TMEM179B: variants seen among roughly 807,000 people sequenced by gnomAD.
TMEM179B encodes transmembrane protein 179B.
In TMEM179B, 13 loss-of-function variants were observed where a neutral mutation model predicts 18.0. That is an observed-to-expected ratio of 0.72 (90% confidence interval 0.47 to 1.15). The LOEUF is 1.15. TMEM179B is among the 50% of genes most tolerant of loss of function. The pLI, the probability that TMEM179B is intolerant of heterozygous loss-of-function variation, is 0.00. For missense variants in TMEM179B, 320 were observed against 270.6 expected, an observed-to-expected ratio of 1.18 and a Z score of -1.28; for synonymous variants, 159 against 117.5, an observed-to-expected ratio of 1.35 and a Z score of -2.29.
At chr11:62,789,270 A>G (rs2084329784) in intron 2 of TMEM179B, 22 bp from the exon 3 acceptor site, 1 of 1,613,874 alleles carries the variant, frequency 6.2e-7, no homozygotes, top group Admixed American at 1.7e-5. Context: ...CTCCACCACA[A>G]GGCTTGTTCT....
chr11:62,790,101 A>T lies in TMEM179B; in HGVS notation c.*54A>T. The T allele has an allele frequency of 6.8e-7, 1 of 1,468,146 alleles. No individual in the cohort carries two copies. The highest frequency in any genetic ancestry group is 9.0e-7 in the Non-Finnish European group (1 of 1,105,808). The allele number at this position is 1,468,146 out of a possible 1,614,324, so 90.9% of individuals were successfully genotyped here. On this transcript the variant is annotated 3_prime_UTR_variant, in exon 5 of 5. Transcript: ENST00000333449. ...AAGACTCCATGCCCAAGTGCCTGTA[A>T]TCCCCCCCCTCAAGGCCCTGTTTAT...
chr11:62,787,541 G>T lies in TMEM179B; in HGVS notation c.96+14G>T, dbSNP rs1338132793. The T allele has an allele frequency of 6.5e-7, 1 of 1,547,284 alleles. No individual in the cohort carries two copies. The highest frequency in any genetic ancestry group is 2.3e-4 in the Middle Eastern group (1 of 4,394). On this transcript the variant is annotated intron_variant, in intron 1 of 4. Coordinates refer to ENST00000333449, the MANE Select transcript of TMEM179B (RefSeq NM_199337.3). ...ACTCGGACCCAGGTGCGGCTGCGGG[G>T]CGGGGTCAGGTAGGCGGGGGAGCTG...
At chr11:62,788,285 C>G (rs1225097849) in intron 1 of TMEM179B, among the ~76,000 whole-genome samples, 7 of 152,102 alleles carry the variant, frequency 4.6e-5, no homozygotes, top group Admixed American at 6.5e-5. Context: ...TGCCTGTAAT[C>G]CCAGCTACTT....
At chr11:62,788,811 T>C (rs1283028191) in intron 1 of TMEM179B, among the ~76,000 whole-genome samples, 1 of 152,158 alleles carries the variant, frequency 6.6e-6, no homozygotes, top group African/African-American at 2.4e-5. Flanking sequence ...TCTATATTCA[T>C]TGCCTATTTT....
rs895343499 is a variant in TMEM179B at position 62,790,105 on chromosome 11, C to A, written c.*58C>A. On this transcript the variant is annotated 3_prime_UTR_variant, in exon 5 of 5. Transcript: ENST00000333449. Reference sequence around the variant, plus strand: ...CTCCATGCCCAAGTGCCTGTAATCCCCCCCCTCAAGGCCCTGTTTATGTTG... The same window carrying A: ...CTCCATGCCCAAGTGCCTGTAATCCACCCCCTCAAGGCCCTGTTTATGTTG... 3.3e-6 allele frequency: 5 copies of A among 1,507,716 alleles called. No individual in the cohort carries two copies. Among genetic ancestry groups the A allele is most frequent in the South Asian group, 1.3e-5 (1 of 75,498 alleles). The allele number at this position is 1,507,716 out of a possible 1,614,324, so 93.4% of individuals were successfully genotyped here. A position where few individuals can be genotyped will look rare whatever the true frequency, so the allele number is the denominator to read the frequency against.
At chr11:62,787,943 C>T (rs1021926455) in intron 1 of TMEM179B, 1 of 487,926 alleles carries the variant, frequency 2.0e-6, no homozygotes. Flanking sequence ...ATGATTGTAG[C>T]ACAGTGTGTT....
In TMEM179B at chr11:62,790,124, T is replaced by C. The variant is rs903290171; in HGVS notation, c.*77T>C. The C allele has an allele frequency of 8.9e-6, 13 of 1,457,104 alleles. No individual in the cohort carries two copies. The East Asian group carries it at 2.9e-4, about 32-fold the overall frequency. 90.3% of individuals were successfully genotyped at this position (1,457,104 alleles called of 1,614,324 possible). A position where few individuals can be genotyped will look rare whatever the true frequency, so the allele number is the denominator to read the frequency against. ...TAATCCCCCCCCTCAAGGCCCTGTT[T>C]ATGTTGGGAGTCTTAGTTTTCCTTT... is the stretch of plus-strand genomic sequence containing the variant. On this transcript the variant is annotated 3_prime_UTR_variant, in exon 5 of 5. Transcript: ENST00000333449.
intron 1 of TMEM179B, chr11:62,787,847 G>C: frequency 1.6e-6 from 1 of 636,120 alleles, no homozygotes; most frequent in African/African-American, 1.8e-5. Context: ...TGCAGAACCT[G>C]CGTCCATCCG....
At chr11:62,787,611 T>C in intron 1 of TMEM179B, 84 bp downstream of exon 1, 1 of 1,427,300 alleles carries the variant, frequency 7.0e-7, no homozygotes, top group South Asian at 1.4e-5. Context: ...CCGACCGGGC[T>C]TGCTGCTGCT....
At chr11:62,787,926 C>T (rs1382423785) in intron 1 of TMEM179B, 1 of 502,384 alleles carries the variant, frequency 2.0e-6, no homozygotes, top group East Asian at 5.5e-5. Flanking sequence ...GATGATCAAG[C>T]TGCCACATGA....
intron 1 of TMEM179B, chr11:62,787,781 T>G: frequency 1.5e-6 from 1 of 681,290 alleles, no homozygotes; most frequent in Non-Finnish European, 2.7e-6. Flanking sequence ...CTAGGTGGAG[T>G]CGGGTTTCGT....
chr11:62,787,729 T>G, intron 1 of TMEM179B: 4 of 693,570 alleles, frequency 5.8e-6, no homozygotes, highest in Non-Finnish European at 4.8e-6. Context: ...ACTTCGAAGT[T>G]GTCCCCTCGC....
rs771693218 is a variant in TMEM179B at position 62,787,545 on chromosome 11, G to C, written c.96+18G>C. Reference sequence around the variant, plus strand: ...GGACCCAGGTGCGGCTGCGGGGCGGGGTCAGGTAGGCGGGGGAGCTGGCCG... The same window carrying C: ...GGACCCAGGTGCGGCTGCGGGGCGGCGTCAGGTAGGCGGGGGAGCTGGCCG... On this transcript the variant is annotated intron_variant, in intron 1 of 4. Transcript: ENST00000333449. The C allele has an allele frequency of 1.9e-5, 29 of 1,539,426 alleles. No individual in the cohort carries two copies. Among genetic ancestry groups the C allele is most frequent in the Non-Finnish European group, 2.5e-5 (29 of 1,152,134 alleles).
rs1394346274 is a variant in TMEM179B, at chr11:62,790,029, A to G, written c.642A>G (p.Ser214=). The G allele has an allele frequency of 6.2e-7, 1 of 1,612,212 alleles. No individual in the cohort carries two copies. The highest frequency in any genetic ancestry group is 1.1e-5 in the South Asian group (1 of 90,930). ...CTGAGACAGATGCTCTCGTTGGGTC[A>G]CGCCTTTCCCATTCCTGAAGAATAA... The part of the protein sequence containing the change: ...WSSETDALVG[S]RLSHS The change falls in exon 5 of 5, where the codon TCA becomes TCG. Residue 214 remains serine, a synonymous_variant. Coordinates refer to ENST00000333449, the MANE Select transcript of TMEM179B (RefSeq NM_199337.3).
rs759493398 is a variant in TMEM179B, at chr11:62,789,416, A to G, written c.409A>G (p.Thr137Ala). The G allele has an allele frequency of 1.3e-5, 21 of 1,613,498 alleles. No homozygotes were observed. Among genetic ancestry groups the G allele is most frequent in the Admixed American group, 1.2e-4 (7 of 59,942 alleles). The change falls in exon 3 of 5, where the codon ACT becomes GCT. Residue 137 changes from threonine to alanine, a missense_variant. Thr to Ala is a moderately conservative substitution (Grantham distance 58). Coordinates refer to ENST00000333449, the MANE Select transcript of TMEM179B (RefSeq NM_199337.3). ...CTGCAACTCCATCATCTCCTTGAAC[A>G]CTACAATTAGGTAATGGGAGAGGGA... ...SLCNSIISLN[T>A]TISCSEAQKI... is the part of the protein sequence containing the mutation.
intron 1 of TMEM179B, among the ~76,000 whole-genome samples, chr11:62,788,195 G>A (rs1226240454): frequency 6.6e-6 from 1 of 152,032 alleles, no homozygotes; most frequent in African/African-American, 2.4e-5. Flanking sequence ...TTGAGGTCAG[G>A]AGTTCGAGAC....
Position 62,790,134 on chromosome 11 carries a change from G to T in TMEM179B, c.*87G>T. On this transcript the variant is annotated 3_prime_UTR_variant, in exon 5 of 5. Coordinates refer to ENST00000333449, the MANE Select transcript of TMEM179B (RefSeq NM_199337.3). ...CCTCAAGGCCCTGTTTATGTTGGGA[G>T]TCTTAGTTTTCCTTTCGTTGGGGGG... 34 of 1,043,162 alleles carry T rather than the reference G, an allele frequency of 3.3e-5. No individual in the cohort carries two copies. Among genetic ancestry groups the T allele is most frequent in the Middle Eastern group, 3.5e-4 (1 of 2,864 alleles). The allele number at this position is 1,043,162 out of a possible 1,614,324, so 64.6% of individuals were successfully genotyped here. A position where few individuals can be genotyped will look rare whatever the true frequency, so the allele number is the denominator to read the frequency against.
chr11:62,787,527 G>C lies in TMEM179B; in HGVS notation c.96G>C (p.Gln32His), dbSNP rs1590941495. The C allele has an allele frequency of 6.4e-7, 1 of 1,566,316 alleles. No individual in the cohort carries two copies. Among genetic ancestry groups the C allele is most frequent in the Non-Finnish European group, 8.6e-7 (1 of 1,165,442 alleles). ...CGGCCGCGGCGATGACTCGGACCCA[G>C]GTGCGGCTGCGGGGCGGGGTCAGGT... The part of the protein sequence containing the change: ...AVAAAAMTRT[Q>H]GSFSGRCPLY... The change falls in exon 1 of 5, where the codon CAG becomes CAC. Residue 32 changes from glutamine (Q) to histidine (H), a missense_variant and splice_region_variant. Physicochemically the swap from Gln to His is conservative, Grantham distance 24. Coordinates refer to ENST00000333449, the MANE Select transcript of TMEM179B (RefSeq NM_199337.3).
intron 1 of TMEM179B, among the ~76,000 whole-genome samples, chr11:62,788,369 C>T (rs1337611368): frequency 6.6e-6 from 1 of 151,572 alleles, no homozygotes; most frequent in Non-Finnish European, 1.5e-5. Context: ...TGCCATTGCA[C>T]TCCAGCCTGG....
Sources: allele counts gnomAD v4.1 joint callset (sites outside exome capture counted in the v4.1 genomes callset), GRCh38; gene constraint gnomAD v4.1.1; transcripts MANE v1.5; gene names NCBI Gene and HGNC (gene_info 2026-07-23, HGNC 2026-07-21).